WDFY4: variants seen among roughly 807,000 people sequenced by gnomAD.
The protein encoded by WDFY4 is WDFY family member 4.
A neutral mutation model predicts 351.9 loss-of-function variants in WDFY4; 169 were observed. The observed-to-expected ratio is 0.48, with a 90% confidence interval of 0.42 to 0.55. WDFY4 has a LOEUF of 0.55. Ranked by LOEUF, WDFY4 falls within the 20% of genes least tolerant of loss-of-function variation. The pLI, the probability that WDFY4 is intolerant of heterozygous loss-of-function variation, is 0.00. For missense variants in WDFY4, 3,803 were observed against 3,935.6 expected, an observed-to-expected ratio of 0.97 and a Z score of 0.90; for synonymous variants, 1,622 against 1,574.6, an observed-to-expected ratio of 1.03 and a Z score of -0.71.
intron 52 of WDFY4, 128 bp downstream of exon 52, chr10:48,957,410 GT>G (rs771201512): frequency 8.6e-5 from 104 of 1,206,898 alleles, no homozygotes; most frequent in Admixed American, 2.1e-4. Flanking sequence ...TTCGGGTGAG[GT>G]CTCCACTGGG....
chr10:48,808,289 A>G (rs1016379802), intron 28 of WDFY4, among the ~76,000 whole-genome samples: 2 of 152,232 alleles, frequency 1.3e-5, no homozygotes, highest in Non-Finnish European at 2.9e-5. Context: ...TACTTGGCAG[A>G]CAATAGAATG....
At chr10:48,897,614 A>G (rs1362744587) in intron 45 of WDFY4, 40 bp downstream of exon 45, 1 of 1,533,774 alleles carries the variant, frequency 6.5e-7, no homozygotes, top group Admixed American at 2.0e-5. Context: ...GGCCTGCGAG[A>G]GGCAGGGCCA....
At chr10:48,940,881 T>C (rs1241331496) in intron 47 of WDFY4, among the ~76,000 whole-genome samples, 7 of 152,186 alleles carry the variant, frequency 4.6e-5, no homozygotes, top group Non-Finnish European at 1.0e-4. Context: ...TACCCTTTTT[T>C]CCTACCAGGG....
chr10:48,890,857 G>A, intron 44 of WDFY4, 130 bp downstream of exon 44: 12 of 1,325,796 alleles, frequency 9.1e-6, no homozygotes, highest in Non-Finnish European at 1.2e-5. Context: ...TGAGCCATGA[G>A]ATAAAACAGA....
Position 48,777,448 on chromosome 10 carries a change from T to C in WDFY4, c.3128T>C (p.Val1043Ala), listed in dbSNP as rs1291126808. The C allele has an allele frequency of 1.3e-6, 2 of 1,551,754 alleles. No homozygotes were observed. The highest frequency in any genetic ancestry group is 1.7e-6 in the Non-Finnish European group (2 of 1,147,012). ...GCLFIPTLST[V>A]MGTSTEYSVS... is the part of the protein sequence containing the mutation. ...TTGTTTATTCCAACCCTGTCCACAG[T>C]TATGGGAACCAGCACTGAGTACTCT... Residue 1043 changes from valine to alanine, a missense_variant, in exon 17 of 62, where the codon GTT becomes GCT. Val to Ala is a moderately conservative substitution (Grantham distance 64). Around this residue, in one of 3 missense-constraint regions of WDFY4, gnomAD observed 3,054 missense variants for 3,148.6 expected, o/e 0.97. Transcript: ENST00000325239.
intron 39 of WDFY4, among the ~76,000 whole-genome samples, chr10:48,853,688 G>C (rs114258248): frequency 0.011 from 1,623 of 152,318 alleles, 27 homozygotes; most frequent in African/African-American, 0.037. Flanking sequence ...GCTTCTGTTG[G>C]AAAGCTCTCA....
intron 47 of WDFY4, among the ~76,000 whole-genome samples, chr10:48,933,227 T>C (rs1840138333): frequency 6.6e-6 from 1 of 152,124 alleles, no homozygotes; most frequent in Admixed American, 6.5e-5. Flanking sequence ...CTGGAACTGC[T>C]AGAGGGGCCT....
At chr10:48,909,423 G>A (rs1837807443) in intron 47 of WDFY4, 1 of 152,016 alleles carries the variant, frequency 6.6e-6, no homozygotes, top group Non-Finnish European at 1.5e-5. Flanking sequence ...ATAAATTGGA[G>A]TTGCTTGAGG....
At chr10:48,802,102 C>T (rs537308578) in intron 24 of WDFY4, among the ~76,000 whole-genome samples, 67 of 152,028 alleles carry the variant, frequency 4.4e-4, no homozygotes, top group African/African-American at 1.3e-3. Flanking sequence ...AGGCCGGGTA[C>T]GGTGGCTCAC....
intron 8 of WDFY4, among the ~76,000 whole-genome samples, chr10:48,730,203 A>G (rs1350837834): frequency 2.6e-5 from 4 of 152,234 alleles, no homozygotes; most frequent in African/African-American, 4.8e-5. Flanking sequence ...GTTGAGATGA[A>G]GGGAGAAAGT....
intron 47 of WDFY4, among the ~76,000 whole-genome samples, chr10:48,902,447 G>A (rs1235283024): frequency 6.6e-6 from 1 of 152,122 alleles, no homozygotes; most frequent in East Asian, 1.9e-4. Flanking sequence ...ATAGAAGAAG[G>A]TGGTAGCTGG....
intron 8 of WDFY4, among the ~76,000 whole-genome samples, chr10:48,730,026 G>C (rs1035015905): frequency 6.6e-6 from 1 of 152,212 alleles, no homozygotes; most frequent in Non-Finnish European, 1.5e-5. Flanking sequence ...CCAGTTGTCT[G>C]CTCCCTAAAA....
intron 39 of WDFY4, among the ~76,000 whole-genome samples, chr10:48,852,989 A>C (rs1321380436): frequency 6.6e-6 from 1 of 152,172 alleles, no homozygotes; most frequent in Non-Finnish European, 1.5e-5. Context: ...TCTTGCAGAA[A>C]TTACCGAAGA....
chr10:48,805,463 G>A lies in WDFY4; in HGVS notation c.4646+42G>A. On this transcript the variant is annotated intron_variant, in intron 26 of 61. Coordinates refer to ENST00000325239, the MANE Select transcript of WDFY4 (RefSeq NM_001394531.1). Reference sequence around the variant, plus strand: ...CCCAGGGGGAAGAGCAGGGCCCCAGGGCTGTTTAAAAAGGGAGGACAGACC... The same window carrying A: ...CCCAGGGGGAAGAGCAGGGCCCCAGAGCTGTTTAAAAAGGGAGGACAGACC... The A allele has an allele frequency of 7.2e-6, 11 of 1,537,050 alleles. No individual in the cohort carries two copies. The South Asian group carries it at 1.1e-4, about 15-fold the overall frequency.
At chr10:48,906,938 A>AT (rs146341357) in intron 47 of WDFY4, among the ~76,000 whole-genome samples, 20,548 of 148,270 alleles carry the variant, frequency 0.14, 1,521 homozygotes, top group Middle Eastern at 0.21. Flanking sequence ...GGCTTTTGCG[A>AT]TTTTTTTTTT....
intron 23 of WDFY4, 122 bp from the exon 24 acceptor site, chr10:48,796,176 T>C (rs2066868536): frequency 2.2e-5 from 26 of 1,199,524 alleles, no homozygotes; most frequent in Non-Finnish European, 2.8e-5. Context: ...TCTGAGAACA[T>C]GGAATGAAGG....
intron 12 of WDFY4, 129 bp from the exon 13 acceptor site, chr10:48,760,218 T>C (rs1373014126): frequency 2.3e-5 from 18 of 791,408 alleles, no homozygotes; most frequent in Non-Finnish European, 3.4e-5. Flanking sequence ...AGTAGTTCAA[T>C]GTCATCTAGG....
chr10:48,944,277 C>T (rs146394289), intron 49 of WDFY4, among the ~76,000 whole-genome samples: 13 of 152,302 alleles, frequency 8.5e-5, no homozygotes, highest in South Asian at 6.2e-4. Context: ...GGGATCTGGA[C>T]TGAGATGTGT....
intron 12 of WDFY4, among the ~76,000 whole-genome samples, chr10:48,751,879 G>A (rs1319683087): frequency 6.6e-6 from 1 of 152,174 alleles, no homozygotes; most frequent in Non-Finnish European, 1.5e-5. Context: ...CTCAGGGGCT[G>A]TGTGAAATGA....
Sources: gnomAD v4.1 joint callset for allele counts (sites outside exome capture counted in the v4.1 genomes callset) on GRCh38, gnomAD v4.1.1 for gene constraint, gnomAD v4.1.1 regional missense constraint, MANE v1.5 for transcripts, NCBI Gene and HGNC (gene_info 2026-07-23, HGNC 2026-07-21) for gene names.